The following CALN1 variants were observed in gnomAD, a reference collection of about 807,000 sequenced individuals.
The protein encoded by CALN1 is calcium-binding protein 8.
CALN1 carries 17 observed loss-of-function variants against 30.6 expected under a neutral mutation model. That is an observed-to-expected ratio of 0.56 (90% CI 0.38 to 0.83). CALN1 has a LOEUF of 0.83. CALN1 is among the 40% of genes least tolerant of loss of function. CALN1 has a pLI of 0.00. For missense variants in CALN1, 291 were observed against 354.9 expected, an observed-to-expected ratio of 0.82 and a Z score of 1.45; for synonymous variants, 156 against 131.4, an observed-to-expected ratio of 1.19 and a Z score of -1.28.
intron 5 of CALN1, among the ~76,000 whole-genome samples, chr7:71,834,001 A>T (rs943772495): frequency 6.6e-6 from 1 of 152,082 alleles, no homozygotes; most frequent in African/African-American, 2.4e-5. Flanking sequence ...TGGCGGGTGG[A>T]TCACAAGGTC....
At chr7:72,413,220 C>T (rs1173129617), upstream of CALN1, among the ~76,000 whole-genome samples, 4 of 151,504 alleles carry the variant, frequency 2.6e-5, no homozygotes, top group African/African-American at 7.3e-5. Context: ...CACACTCATA[C>T]ACACATATAC....
intron 3 of CALN1, among the ~76,000 whole-genome samples, chr7:72,153,832 T>C (rs1382850563): frequency 2.6e-5 from 4 of 152,202 alleles, no homozygotes; most frequent in Admixed American, 2.6e-4. Flanking sequence ...TTTGAAGCAC[T>C]CTGCCTAGTA....
At chr7:72,140,904 A>C (rs755623891) in intron 3 of CALN1, among the ~76,000 whole-genome samples, 10 of 152,250 alleles carry the variant, frequency 6.6e-5, no homozygotes, top group Non-Finnish European at 7.3e-5. Flanking sequence ...CTTGCTCTGC[A>C]GTCCTGTGGC....
chr7:71,888,650 A>T (rs1463763215), intron 5 of CALN1, among the ~76,000 whole-genome samples: 1 of 152,136 alleles, frequency 6.6e-6, no homozygotes, highest in East Asian at 1.9e-4. Flanking sequence ...CAGAAAGCAT[A>T]TGGCAATAGG....
the CALN1 span, among the ~76,000 whole-genome samples, chr7:72,453,177 G>T: frequency 1.3e-5 from 2 of 152,216 alleles, no homozygotes; most frequent in African/African-American, 4.8e-5. Flanking sequence ...CTTAGGCTGG[G>T]AAGTTTCTTG....
Position 72,216,287 on chromosome 7 carries a change from G to A in CALN1, c.244+62399C>T, listed in dbSNP as rs923942239. ...AATAATAAATTTAACATAACTGAGC[G>A]TGGTGGTGTGCACCTGTAGTCCCAG... On this transcript the variant is annotated intron_variant, in intron 3 of 6. Transcript: ENST00000395275. 5.9e-5 allele frequency among the ~76,000 whole-genome samples: 9 copies of A among 151,988 alleles called. No individual in the cohort carries two copies. The South Asian group carries it at 8.3e-4, about 14-fold the overall frequency.
intron 5 of CALN1, among the ~76,000 whole-genome samples, chr7:71,829,614 G>A (rs1399275478): frequency 6.6e-6 from 1 of 152,234 alleles, no homozygotes; most frequent in African/African-American, 2.4e-5. Context: ...GCTGTGGTTT[G>A]CTAGTGGCGG....
At chr7:72,080,945 G>C (rs886906218) in intron 4 of CALN1, among the ~76,000 whole-genome samples, 1 of 152,050 alleles carries the variant, frequency 6.6e-6, no homozygotes, top group African/African-American at 2.4e-5. Flanking sequence ...TCTAGTATCC[G>C]GGCCCAATCC....
At position 72,247,890 on chromosome 7, in the gene CALN1, T is replaced by G. The variant is rs139128530; in HGVS notation, c.244+30796A>C. ...ATGCATGCCTGTAGTCCCAGCTACT[T>G]GGAAGGCTGAGACAGGAGGATGGCT... On this transcript the variant is annotated intron_variant, in intron 3 of 6. Coordinates refer to ENST00000395275, the MANE Select transcript of CALN1 (RefSeq NM_031468.4). Among the ~76,000 whole-genome samples the G allele has an allele frequency of 8.0e-3, 1,221 of 152,282 alleles. 16 individuals are homozygous for G. The highest frequency in any genetic ancestry group is 0.037 in the Middle Eastern group (11 of 294).
At chr7:72,421,167 G>A (rs1807597636) in intron 1 of CALN1, among the ~76,000 whole-genome samples, 1 of 151,998 alleles carries the variant, frequency 6.6e-6, no homozygotes, top group Admixed American at 6.6e-5. Flanking sequence ...GGTGGTTTTT[G>A]GTTATATGGA....
intron 5 of CALN1, among the ~76,000 whole-genome samples, chr7:71,817,428 G>C (rs577715295): frequency 6.6e-6 from 1 of 152,270 alleles, no homozygotes; most frequent in Non-Finnish European, 1.5e-5. Flanking sequence ...CCATACATCT[G>C]CAATTTTTGG....
intron 6 of CALN1, among the ~76,000 whole-genome samples, chr7:71,790,400 G>GAAAGA (rs1793302665): frequency 9.2e-6 from 1 of 108,424 alleles, no homozygotes; most frequent in South Asian, 3.0e-4. Context: ...AAGAAAGAAA[G>GAAAGA]AAAGAAAGAA....
At chr7:72,460,438 C>T in the CALN1 span, among the ~76,000 whole-genome samples, 2 of 151,922 alleles carry the variant, frequency 1.3e-5, no homozygotes, top group African/African-American at 4.8e-5. Context: ...TCGAGACCAG[C>T]CTGGCCAACC....
chr7:71,816,100 C>T (rs989657582), intron 5 of CALN1, among the ~76,000 whole-genome samples: 1 of 151,454 alleles, frequency 6.6e-6, no homozygotes, highest in South Asian at 2.1e-4. Context: ...AAACTCCTGG[C>T]CTCAAGCCAT....
chr7:71,902,467 C>A (rs1213495488), intron 5 of CALN1, among the ~76,000 whole-genome samples: 2 of 151,948 alleles, frequency 1.3e-5, no homozygotes, highest in Non-Finnish European at 2.9e-5. Context: ...GATGGATAGA[C>A]CAATGGAACA....
intron 3 of CALN1, among the ~76,000 whole-genome samples, chr7:72,151,383 C>T (rs1787234610): frequency 6.6e-6 from 1 of 152,140 alleles, no homozygotes; most frequent in Non-Finnish European, 1.5e-5. Context: ...TATAAGGACA[C>T]TAGTATTAGA....
At chr7:71,795,930 T>C (rs1018383012) in intron 6 of CALN1, among the ~76,000 whole-genome samples, 1 of 149,324 alleles carries the variant, frequency 6.7e-6, no homozygotes, top group African/African-American at 2.5e-5. Context: ...GTCATTCTCC[T>C]GCCTCAGCCT....
intron 4 of CALN1, among the ~76,000 whole-genome samples, chr7:72,068,664 TA>T (rs888111485): frequency 6.6e-6 from 1 of 152,198 alleles, no homozygotes; most frequent in African/African-American, 2.4e-5. Flanking sequence ...ATTTTTAAAT[TA>T]TTTTTAGCAG....
chr7:72,471,601 C>T, the CALN1 span, among the ~76,000 whole-genome samples: 67 of 152,306 alleles, frequency 4.4e-4, no homozygotes, highest in African/African-American at 1.4e-3. Context: ...TGCAGGTCCA[C>T]GGGACTGGGC....
Sources: allele counts gnomAD v4.1 joint callset (sites outside exome capture counted in the v4.1 genomes callset), GRCh38; gene constraint gnomAD v4.1.1; transcripts MANE v1.5; gene names NCBI Gene and HGNC (gene_info 2026-07-23, HGNC 2026-07-21).